Variants in CPA6 observed in about 807,000 individuals in gnomAD.
CPA6 encodes carboxypeptidase B.
CPA6 carries 58 observed loss-of-function variants against 63.3 expected under a neutral mutation model. The ratio of observed to expected loss-of-function variants is 0.92; its 90% CI spans 0.74 to 1.14. The LOEUF (loss-of-function observed/expected upper bound fraction) is 1.14. Among genes scored for constraint, CPA6 ranks in the 50% most tolerant of loss-of-function variants. The pLI is 0.00. For synonymous variants in CPA6, 185 were observed against 179.0 expected (o/e 1.03, Z -0.27); for missense variants, 565 against 526.6 (o/e 1.07, Z -0.71).
chr8:67,673,256 T>C (rs1394203524), intron 1 of CPA6, among the ~76,000 whole-genome samples: 1 of 152,092 alleles, frequency 6.6e-6, no homozygotes, highest in Non-Finnish European at 1.5e-5. Context: ...AAAATAGGGA[T>C]ATTCACATTG....
At chr8:67,427,740 G>A (rs1809925845) in intron 10 of CPA6, among the ~76,000 whole-genome samples, 1 of 152,128 alleles carries the variant, frequency 6.6e-6, no homozygotes, top group South Asian at 2.1e-4. Flanking sequence ...CACCCTTGTA[G>A]TAGTTAGAAT....
intron 1 of CPA6, among the ~76,000 whole-genome samples, chr8:67,735,882 A>C (rs1265110731): frequency 6.6e-6 from 1 of 152,066 alleles, no homozygotes; most frequent in African/African-American, 2.4e-5. Flanking sequence ...GGACCTCACC[A>C]ACCTCTGCAG....
chr8:67,507,135 G>C (rs1280746279), intron 5 of CPA6, among the ~76,000 whole-genome samples: 1 of 151,784 alleles, frequency 6.6e-6, no homozygotes, highest in African/African-American at 2.4e-5. Flanking sequence ...CCCTAAATAG[G>C]TTGCTTCTTT....
rs888946691 is a variant in CPA6 at position 67,422,476 on chromosome 8, T to C, written c.*28A>G. ...CAAGTAGGCCTTGCTCAGAATCCTA[T>C]GGCAGTTGACCTGAGCCTTGGGCTG... On this transcript the variant is annotated 3_prime_UTR_variant, in exon 11 of 11. Transcript: ENST00000297770. The C allele has an allele frequency of 2.5e-6, 4 of 1,597,756 alleles. No homozygotes were observed. The highest frequency in any genetic ancestry group is 2.6e-6 in the Non-Finnish European group (3 of 1,168,460).
intron 1 of CPA6, among the ~76,000 whole-genome samples, chr8:67,662,435 CACACGTATATGTATATATAGAATACAT>C (rs1816132051): frequency 6.7e-6 from 1 of 149,682 alleles, no homozygotes; most frequent in Non-Finnish European, 1.5e-5. Context: ...AGAATACATA[CACACGTATATGTATATATAGAATACAT>C]ACACACGTAT....
intron 2 of CPA6, among the ~76,000 whole-genome samples, chr8:67,613,184 T>C (rs1484509527): frequency 2.0e-5 from 3 of 152,232 alleles, no homozygotes; most frequent in African/African-American, 4.8e-5. Flanking sequence ...TATTTCATGA[T>C]ACCTGTTTGC....
At chr8:67,739,814 A>T (rs1817879514) in intron 1 of CPA6, among the ~76,000 whole-genome samples, 1 of 152,206 alleles carries the variant, frequency 6.6e-6, no homozygotes, top group Non-Finnish European at 1.5e-5. Context: ...CAAGGGAGTG[A>T]TATGATAAAA....
intron 8 of CPA6, among the ~76,000 whole-genome samples, chr8:67,453,295 G>A (rs1810596373): frequency 1.3e-5 from 2 of 152,138 alleles, no homozygotes; most frequent in Admixed American, 6.5e-5. Context: ...TAAATGGTTG[G>A]ATGTATGGTG....
intron 8 of CPA6, among the ~76,000 whole-genome samples, chr8:67,480,245 A>G (rs568951090): frequency 3.0e-4 from 45 of 152,310 alleles, no homozygotes; most frequent in African/African-American, 1.0e-3. Context: ...TTTAAAATGT[A>G]CAATTCAATG....
intron 2 of CPA6, among the ~76,000 whole-genome samples, chr8:67,593,076 T>C (rs546507669): frequency 1.3e-5 from 2 of 150,646 alleles, no homozygotes; most frequent in South Asian, 2.1e-4. Context: ...GAGATTCTGG[T>C]ATGTTGTGTC....
Position 67,632,099 on chromosome 8 carries a change from A to G in CPA6, c.117-7848T>C, listed in dbSNP as rs1815347562. Among the ~76,000 whole-genome samples, 5 of 152,122 alleles carry G rather than the reference A, an allele frequency of 3.3e-5. No individual in the cohort carries two copies. In the South Asian group the frequency reaches 1.0e-3, roughly 32 times the overall value. ...ATTTCAGAGTTTTATAACTGTATTC[A>G]TAAGGAAGCATTTTTTTTAAACTTT... On this transcript the variant is annotated intron_variant, in intron 1 of 10. Coordinates refer to ENST00000297770, the MANE Select transcript of CPA6 (RefSeq NM_020361.5).
chr8:67,483,030 C>A lies in CPA6; in HGVS notation c.838+738G>T, dbSNP rs192200869. The stretch of plus-strand genomic sequence containing the variant: ...TGGACTAGGCCTCATTTCTAAGGGA[C>A]TAAAGGAAGGATTTCCATTACACAA... On this transcript the variant is annotated intron_variant, in intron 8 of 10. Coordinates refer to ENST00000297770, the MANE Select transcript of CPA6 (RefSeq NM_020361.5). 9.5e-4 allele frequency among the ~76,000 whole-genome samples: 145 copies of A among 152,210 alleles called. 4 individuals carry two copies. The highest frequency in any genetic ancestry group is 7.5e-3 in the Admixed American group (114 of 15,270).
intron 1 of CPA6, among the ~76,000 whole-genome samples, chr8:67,688,414 G>A (rs1235239233): frequency 6.6e-6 from 1 of 152,100 alleles, no homozygotes; most frequent in Non-Finnish European, 1.5e-5. Context: ...AAGTTTTAGG[G>A]TAAATACAAA....
intron 1 of CPA6, among the ~76,000 whole-genome samples, chr8:67,745,257 T>G (rs1290807378): frequency 2.0e-5 from 3 of 152,212 alleles, no homozygotes; most frequent in Non-Finnish European, 2.9e-5. Context: ...CAAGCCATAA[T>G]TTCCAGATTC....
At chr8:67,627,557 AGAC>A (rs1815221322) in intron 1 of CPA6, among the ~76,000 whole-genome samples, 1 of 152,238 alleles carries the variant, frequency 6.6e-6, no homozygotes, top group Admixed American at 6.5e-5. Flanking sequence ...GAGGTTAGAA[AGAC>A]TACTGGGCAA....
At chr8:67,702,128 C>T (rs745370761) in intron 1 of CPA6, among the ~76,000 whole-genome samples, 1 of 152,082 alleles carries the variant, frequency 6.6e-6, no homozygotes, top group Non-Finnish European at 1.5e-5. Flanking sequence ...AAGCAGCTTC[C>T]CAATAAGATC....
At chr8:67,732,889 A>G (rs1817733313) in intron 1 of CPA6, among the ~76,000 whole-genome samples, 1 of 152,046 alleles carries the variant, frequency 6.6e-6, no homozygotes. Flanking sequence ...CTTGTCCTCA[A>G]CAGTGGTTCT....
In CPA6 at chr8:67,470,295, G is replaced by T. The variant is rs181081067; in HGVS notation, c.838+13473C>A. Among the ~76,000 whole-genome samples the T allele has an allele frequency of 1.2e-3, 186 of 152,220 alleles. 1 individual carries two copies. The highest frequency in any genetic ancestry group is 2.2e-3 in the Non-Finnish European group (152 of 68,010). On this transcript the variant is annotated intron_variant, in intron 8 of 10. Transcript: ENST00000297770. ...TCCACCCACCTCAGCCTCCCGAAGT[G>T]CTGGGATTACAAGTGTGAGCCACCA...
At chr8:67,506,996 G>C in intron 5 of CPA6, 108 bp from the exon 6 acceptor site, 1 of 758,152 alleles carries the variant, frequency 1.3e-6, no homozygotes, top group Non-Finnish European at 2.3e-6. Context: ...GGTTCATTAG[G>C]TAATGCATAA....
Sources: allele counts gnomAD v4.1 joint callset (sites outside exome capture counted in the v4.1 genomes callset), GRCh38; gene constraint gnomAD v4.1.1; transcripts MANE v1.5; gene names NCBI Gene and HGNC (gene_info 2026-07-23, HGNC 2026-07-21).